The following DOC2B variants were observed in gnomAD, a reference collection of about 807,000 sequenced individuals.
DOC2B encodes double C2 domain beta.
Under a neutral mutation model 28.9 loss-of-function variants are expected in DOC2B, and 21 were observed. The observed-to-expected ratio is 0.73, with a 90% CI of 0.52 to 1.05. DOC2B has a LOEUF of 1.05. DOC2B is among the 50% of genes least tolerant of loss of function. The pLI is 0.00. For missense variants in DOC2B, 384 were observed against 421.1 expected (o/e 0.91, Z 0.77); for synonymous variants, 194 against 178.1 (o/e 1.09, Z -0.71).
intron 4 of DOC2B, 62 bp downstream of exon 4, chr17:162,019 A>G (rs2040210096): frequency 3.3e-6 from 4 of 1,219,558 alleles, no homozygotes; most frequent in Non-Finnish European, 4.7e-6. Flanking sequence ...TGCCTTCATT[A>G]GGAAAAGCCG....
Position 156,253 on chromosome 17 carries a change from T to C in DOC2B, c.890A>G (p.Asp297Gly). The C allele has an allele frequency of 6.4e-7, 1 of 1,551,468 alleles. No homozygotes were observed. Among genetic ancestry groups the C allele is most frequent in the Non-Finnish European group, 8.7e-7 (1 of 1,146,994 alleles). The change falls in exon 6 of 9, where the codon GAC (aspartate) becomes GGC (glycine). Residue 297 changes from aspartate to glycine, a missense_variant. By Grantham distance (94) the Asp-to-Gly change is moderately conservative (BLOSUM62 -1). Transcript: ENST00000613549. ...IVRCAHLAAM[D>G]ANGYSDPYVK... ...GTAGGGGTCCGAGTAGCCGTTGGCG[T>C]CCATGGCGGCCAGGTGGGCGCACCG... is the stretch of plus-strand genomic sequence containing the variant.
Position 172,517 on chromosome 17 carries a change from G to A in DOC2B, c.453+20C>T. On this transcript the variant is annotated intron_variant, in intron 2 of 8. Coordinates refer to ENST00000613549, the MANE Select transcript of DOC2B (RefSeq NM_003585.5). ...AGGACCCCGGGGCAGGGAATTTGGG[G>A]GCAGGCTGGCGGGGCCTACCTTGGC... 1 of 1,548,656 alleles carries A rather than the reference G, an allele frequency of 6.5e-7. No individual in the cohort carries two copies. Among genetic ancestry groups the A allele is most frequent in the Non-Finnish European group, 8.7e-7 (1 of 1,144,926 alleles).
Position 146,750 on chromosome 17 carries a change from C to G in DOC2B, c.*691G>C, listed in dbSNP as rs1489438157. The G allele has an allele frequency of 6.6e-6, 1 of 152,256 alleles. No individual in the cohort carries two copies. Among genetic ancestry groups the G allele is most frequent in the East Asian group, 1.9e-4 (1 of 5,194 alleles). The allele number at this position is 152,256 out of a possible 1,614,324, so 9.4% of individuals were successfully genotyped here. The stretch of plus-strand genomic sequence containing the variant: ...CAGCAGAGCCCACGGTACTTGCAGA[C>G]TGGCCAAGCTGGTCTTGGTATTTCT... On this transcript the variant is annotated 3_prime_UTR_variant, in exon 9 of 9. Coordinates refer to ENST00000613549, the MANE Select transcript of DOC2B (RefSeq NM_003585.5).
rs1555523250 is a variant in DOC2B at position 161,559 on chromosome 17, G to A, written c.639-18C>T. 3 of 1,551,506 alleles carry A rather than the reference G, an allele frequency of 1.9e-6. No homozygotes were observed. Among genetic ancestry groups the A allele is most frequent in the Admixed American group, 2.0e-5 (1 of 51,012 alleles). ...CAGAGATCCTAGAGGGGGCGGTGGT[G>A]AGGGGCACAGCCAGTGCCTCAGACG... On this transcript the variant is annotated intron_variant, in intron 4 of 8. Transcript: ENST00000613549.
chr17:179,346 C>T, intron 1 of DOC2B, among the ~76,000 whole-genome samples: 1 of 151,372 alleles, frequency 6.6e-6, no homozygotes, highest in East Asian at 1.9e-4. Context: ...GGCTGGCTGG[C>T]CTGAGTTTCT....
At chr17:169,894 T>A (rs1370803957) in intron 2 of DOC2B, among the ~76,000 whole-genome samples, 3 of 152,144 alleles carry the variant, frequency 2.0e-5, no homozygotes, top group African/African-American at 7.2e-5. Flanking sequence ...CCACTTCTGA[T>A]ACCTGAGGGA....
At position 175,194 on chromosome 17, in the gene DOC2B, G is replaced by A. The variant is rs569717697; in HGVS notation, c.374-2578C>T. On this transcript the variant is annotated intron_variant, in intron 1 of 8. Transcript: ENST00000613549. ...TTGAGGCTACAGTGAGTGTGATTGT[G>A]CCACTGCATCCAACCTAGGCGACAG... Among the ~76,000 whole-genome samples, 59 of 152,346 alleles carry A rather than the reference G, an allele frequency of 3.9e-4. 1 individual carries two copies. In the South Asian group the frequency reaches 0.012, roughly 32 times the overall value.
At chr17:161,617 G>A (rs926482584) in intron 4 of DOC2B, 76 bp from the exon 5 acceptor site, 1 of 1,534,504 alleles carries the variant, frequency 6.5e-7, no homozygotes, top group South Asian at 1.2e-5. Flanking sequence ...CGCAGGTAGG[G>A]CCAGCCCTGG....
At chr17:178,353 G>C (rs1456642149) in intron 1 of DOC2B, among the ~76,000 whole-genome samples, 1 of 152,270 alleles carries the variant, frequency 6.6e-6, no homozygotes, top group African/African-American at 2.4e-5. Context: ...CAAGACCTCA[G>C]CTGTCCTCAT....
intron 1 of DOC2B, among the ~76,000 whole-genome samples, chr17:172,849 G>C (rs757825219): frequency 2.7e-4 from 41 of 152,302 alleles, no homozygotes; most frequent in Non-Finnish European, 5.1e-4. Flanking sequence ...GACCCAGAGA[G>C]GTCAGGTGGG....
chr17:154,793 G>A (rs1445872876), intron 6 of DOC2B, among the ~76,000 whole-genome samples: 4 of 150,754 alleles, frequency 2.7e-5, no homozygotes, highest in Non-Finnish European at 5.9e-5. Flanking sequence ...GCAGTGGTGT[G>A]ATCTCGGCTC....
At chr17:179,365 G>A (rs2040407639) in intron 1 of DOC2B, among the ~76,000 whole-genome samples, 1 of 146,306 alleles carries the variant, frequency 6.8e-6, no homozygotes, top group Admixed American at 7.1e-5. Context: ...CTAGCTTCCT[G>A]GTCCCCTCCT....
intron 1 of DOC2B, 146 bp from the exon 2 acceptor site, chr17:172,762 C>T (rs2151474126): frequency 1.7e-6 from 1 of 594,104 alleles, no homozygotes; most frequent in Non-Finnish European, 2.9e-6. Flanking sequence ...TCTATGCCAG[C>T]CCCTCACCCA....
At chr17:158,767 A>G (rs2040164776) in intron 5 of DOC2B, among the ~76,000 whole-genome samples, 1 of 152,152 alleles carries the variant, frequency 6.6e-6, no homozygotes, top group Non-Finnish European at 1.5e-5. Flanking sequence ...AGCAGGGGCC[A>G]GGCACAGTGA....
In DOC2B at chr17:147,092, G is replaced by T; in HGVS notation, c.*349C>A. ...CTCCTCTGTTCCCACTGTCCGCCAA[G>T]GCGCCCCCACACTCCTGTCCTCTCA... On this transcript the variant is annotated 3_prime_UTR_variant, in exon 9 of 9. Transcript: ENST00000613549. 1 of 218,326 alleles carries T rather than the reference G, an allele frequency of 4.6e-6. No individual in the cohort carries two copies. The highest frequency in any genetic ancestry group is 8.9e-6 in the Non-Finnish European group (1 of 111,834). 13.5% of individuals were successfully genotyped at this position (218,326 alleles called of 1,614,324 possible).
At chr17:151,353 G>T (rs894986820) in intron 6 of DOC2B, among the ~76,000 whole-genome samples, 2 of 152,154 alleles carry the variant, frequency 1.3e-5, no homozygotes, top group Non-Finnish European at 2.9e-5. Flanking sequence ...TGGACCAGAT[G>T]TTTTGAATTT....
chr17:165,456 T>C (rs1555523775), intron 2 of DOC2B, among the ~76,000 whole-genome samples: 1 of 145,216 alleles, frequency 6.9e-6, no homozygotes, highest in African/African-American at 2.6e-5. Context: ...CACTCCAGCC[T>C]GGGTGACAGA....
Position 147,492 on chromosome 17 carries a change from C to T in DOC2B, c.1188G>A (p.Glu396=). ...DCLKNKDKRI[E]RWHTLTSELP... ...GCTCGCTGGTGAGCGTGTGCCAGCG[C>T]TCGATGCGCTTGTCCTTGTTCTTCA... Residue 396 remains glutamate, a synonymous_variant, in exon 9 of 9, where the codon GAG becomes GAA. Coordinates refer to ENST00000613549, the MANE Select transcript of DOC2B (RefSeq NM_003585.5). 5.0e-6 allele frequency: 2 copies of T among 398,836 alleles called. No individual in the cohort carries two copies. The highest frequency in any genetic ancestry group is 8.8e-6 in the Non-Finnish European group (2 of 226,194). The allele number at this position is 398,836 out of a possible 1,614,324, so 24.7% of individuals were successfully genotyped here. A position where few individuals can be genotyped will look rare whatever the true frequency, so the allele number is the denominator to read the frequency against.
At chr17:179,817 G>T (rs1488368488) in intron 1 of DOC2B, among the ~76,000 whole-genome samples, 2 of 152,288 alleles carry the variant, frequency 1.3e-5, no homozygotes, top group African/African-American at 4.8e-5. Flanking sequence ...GCGCTGGCCC[G>T]AGGGCCGTGG....
Sources: allele counts gnomAD v4.1 joint callset (sites outside exome capture counted in the v4.1 genomes callset), GRCh38; gene constraint gnomAD v4.1.1; transcripts MANE v1.5; gene names NCBI Gene and HGNC (gene_info 2026-07-23, HGNC 2026-07-21).